AHNAK: variants seen among roughly 807,000 people sequenced by gnomAD.
AHNAK encodes AHNAK nucleoprotein, also known as neuroblast differentiation-associated protein AHNAK.
AHNAK carries 23 observed loss-of-function variants against 37.8 expected under a neutral mutation model. That is an observed-to-expected ratio of 0.61 (90% CI 0.44 to 0.86). The LOEUF is 0.86. AHNAK is among the 40% of genes least tolerant of loss of function. AHNAK has a pLI of 0.00. For synonymous variants in AHNAK, 2,481 were observed against 2,636.3 expected, an observed-to-expected ratio of 0.94 and a Z score of 1.80; for missense variants, 7,411 against 7,319.4, an observed-to-expected ratio of 1.01 and a Z score of -0.46.
At chr11:62,476,392 CAA>C (rs1000213539) in intron 5 of AHNAK, among the ~76,000 whole-genome samples, 2 of 151,916 alleles carry the variant, frequency 1.3e-5, no homozygotes, top group South Asian at 4.2e-4. Context: ...GACTCCGTCT[CAA>C]AAAAAAGTTT....
At chr11:62,491,759 C>T (rs547961974) in exon 5 of AHNAK, 5 of 1,612,568 alleles carry the variant, frequency 3.1e-6, no homozygotes, top group African/African-American at 1.3e-5. Context: ...ACTGAAACTG[C>T]CCCGGCTTGG....
chr11:62,533,743 C>T lies in AHNAK; in HGVS notation c.674G>A (p.Arg225Gln), dbSNP rs552804591. The T allele has an allele frequency of 2.1e-5, 34 of 1,614,138 alleles. No homozygotes were observed. The South Asian group carries it at 3.0e-4, about 14-fold the overall frequency. ...TCCTGAAGCAGAAATGGCCCCTGCT[C>T]GGATATCCACAGCAGAGCCTGTCGG... ...ASPTGSAVDI[R>Q]AGAISASGPE... Residue 225 changes from arginine to glutamine, a missense_variant, in exon 5 of 5, where the codon CGA (arginine) becomes CAA (glutamine). Arg to Gln is a conservative substitution (Grantham distance 43). Coordinates refer to ENST00000378024, the MANE Select transcript of AHNAK (RefSeq NM_001620.3).
chr11:62,501,116 G>A (rs755971973), intron 4 of AHNAK, among the ~76,000 whole-genome samples: 36 of 152,040 alleles, frequency 2.4e-4, no homozygotes, highest in Non-Finnish European at 3.8e-4. Flanking sequence ...GGAGGTTGAG[G>A]TGGGAGGATT....
chr11:62,502,158 C>G (rs1939724089), intron 4 of AHNAK, among the ~76,000 whole-genome samples: 1 of 152,076 alleles, frequency 6.6e-6, no homozygotes, highest in Non-Finnish European at 1.5e-5. Context: ...GCTTCAGGTC[C>G]TCGACTTCAG....
At chr11:62,500,091 G>A (rs896481497) in intron 4 of AHNAK, among the ~76,000 whole-genome samples, 1 of 152,166 alleles carries the variant, frequency 6.6e-6, no homozygotes, top group Non-Finnish European at 1.5e-5. Context: ...CTCAAGACAG[G>A]CCTGGCATGA....
Position 62,536,104 on chromosome 11 carries a change from A to T in AHNAK, c.1-6T>A. 1 of 1,568,026 alleles carries T rather than the reference A, an allele frequency of 6.4e-7. No homozygotes were observed. Among genetic ancestry groups the T allele is most frequent in the Non-Finnish European group, 8.7e-7 (1 of 1,154,914 alleles). Reference sequence around the variant, plus strand: ...GTTGTCTCCTCCTTCTCCATCTGGAATGAGGTGAGGAAATGGAACTGGGGT... The same window carrying T: ...GTTGTCTCCTCCTTCTCCATCTGGATTGAGGTGAGGAAATGGAACTGGGGT... On this transcript the variant is annotated splice_region_variant and splice_polypyrimidine_tract_variant and intron_variant, in intron 2 of 4. Transcript: ENST00000378024.
chr11:62,461,009 T>TC (rs1938771303), intron 5 of AHNAK, among the ~76,000 whole-genome samples: 1 of 147,394 alleles, frequency 6.8e-6, no homozygotes, highest in Non-Finnish European at 1.5e-5. Context: ...TTTTTTTTTT[T>TC]GTATTTTAGT....
At chr11:62,475,602 CTTT>C (rs55773953) in intron 5 of AHNAK, among the ~76,000 whole-genome samples, 3,340 of 117,970 alleles carry the variant, frequency 0.028, 163 homozygotes, top group African/African-American at 0.11. Flanking sequence ...TTATGTTATA[CTTT>C]TTTTTTTTTT....
Position 62,523,558 on chromosome 11 carries a change from G to A in AHNAK, c.10859C>T (p.Pro3620Leu). ...TTTAGGGAGGGTAACATCGACTTCA[G>A]GGCCTTCTCCTTTGAAGCCAGGCAT... ...FSMPGFKGEG[P>L]EVDVTLPKAD... Residue 3620 changes from proline to leucine, a missense_variant, in exon 5 of 5, where the codon CCT becomes CTT. Physicochemically the swap from Pro to Leu is moderately conservative, Grantham distance 98. Coordinates refer to ENST00000378024, the MANE Select transcript of AHNAK (RefSeq NM_001620.3). The A allele has an allele frequency of 1.9e-6, 3 of 1,614,054 alleles. No homozygotes were observed. The highest frequency in any genetic ancestry group is 2.5e-6 in the Non-Finnish European group (3 of 1,180,012).
chr11:62,513,766 A>G (rs1939958078), downstream of AHNAK, among the ~76,000 whole-genome samples: 1 of 152,104 alleles, frequency 6.6e-6, no homozygotes, highest in Non-Finnish European at 1.5e-5. Flanking sequence ...TGACATTGAG[A>G]AGAAGGTGGC....
chr11:62,475,075 G>A (rs1317065962), intron 5 of AHNAK, among the ~76,000 whole-genome samples: 1 of 152,162 alleles, frequency 6.6e-6, no homozygotes, highest in Non-Finnish European at 1.5e-5. Flanking sequence ...GGCAGAGGTG[G>A]GCGGATCACC....
rs1261567863 is a variant in AHNAK, at chr11:62,531,543, A to C, written c.2874T>G (p.Pro958=). ...MPDVDLHMKG[P]KVKGEYDMTV... ...TCATATCATATTCTCCCTTTACTTTAGGACCTTTCATATGCAAGTCCACAT... is the reference window on the plus strand; with the variant it reads ...TCATATCATATTCTCCCTTTACTTTCGGACCTTTCATATGCAAGTCCACAT... Residue 958 remains proline, a synonymous_variant, in exon 5 of 5, where the codon CCT becomes CCG. Transcript: ENST00000378024. 2 of 1,613,932 alleles carry C rather than the reference A, an allele frequency of 1.2e-6. No individual in the cohort carries two copies. The highest frequency in any genetic ancestry group is 1.7e-6 in the Non-Finnish European group (2 of 1,180,014).
chr11:62,521,809 C>T lies in AHNAK; in HGVS notation c.12608G>A (p.Gly4203Glu). The T allele has an allele frequency of 1.2e-6, 2 of 1,613,562 alleles. No homozygotes were observed. Among genetic ancestry groups the T allele is most frequent in the Admixed American group, 3.3e-5 (2 of 59,922 alleles). ...GTTCACATCCACATCTGGGCCCTCT[C>T]CTTTGAAGCCAGGCATGCTGAACTT... ...MPKFSMPGFK[G>E]EGPDVDVNLP... is the part of the protein sequence containing the mutation. Residue 4203 changes from glycine to glutamate, a missense_variant, in exon 5 of 5, where the codon GGA becomes GAA. Gly to Glu is a moderately conservative substitution (Grantham distance 98). Transcript: ENST00000378024.
At chr11:62,515,775 A>T, downstream of AHNAK, 3 of 603,756 alleles carry the variant, frequency 5.0e-6, no homozygotes, top group Non-Finnish European at 6.3e-6. Flanking sequence ...CCCGAAGGTC[A>T]CTGTCTTAAA....
chr11:62,534,163 CT>C, intron 4 of AHNAK, 89 bp from the exon 5 acceptor site: 1 of 1,387,046 alleles, frequency 7.2e-7, no homozygotes, highest in Middle Eastern at 2.5e-4. Context: ...AACACGTTGC[CT>C]GTTTCCCAGA....
intron 5 of AHNAK, among the ~76,000 whole-genome samples, chr11:62,449,211 A>G (rs544638155): frequency 6.6e-6 from 1 of 152,312 alleles, no homozygotes; most frequent in East Asian, 1.9e-4. Flanking sequence ...CAGGCTATCA[A>G]GTCTAAATCC....
chr11:62,447,213 C>T (rs1341687416), intron 5 of AHNAK, among the ~76,000 whole-genome samples: 1 of 152,178 alleles, frequency 6.6e-6, no homozygotes, highest in East Asian at 1.9e-4. Context: ...TCCCTCCTTA[C>T]TCAAAAGGCA....
chr11:62,517,435 A>G lies in AHNAK; in HGVS notation c.16982T>C (p.Met5661Thr), dbSNP rs751300626. 2 of 1,614,112 alleles carry G rather than the reference A, an allele frequency of 1.2e-6. No homozygotes were observed. Among genetic ancestry groups the G allele is most frequent in the Admixed American group, 1.7e-5 (1 of 60,008 alleles). Reference sequence around the variant, plus strand: ...AGAGAAGGTAAATTTGGGGATCTTCATTTTAGGGAATGTTACTTTTCCAGA... The same window carrying G: ...AGAGAAGGTAAATTTGGGGATCTTCGTTTTAGGGAATGTTACTTTTCCAGA... ...SGSGKVTFPK[M>T]KIPKFTFSGR... The change falls in exon 5 of 5, where the codon ATG becomes ACG. Residue 5661 changes from methionine (M) to threonine (T), a missense_variant. Transcript: ENST00000378024.
intron 5 of AHNAK, among the ~76,000 whole-genome samples, chr11:62,475,322 C>T (rs1455230781): frequency 1.3e-5 from 2 of 151,922 alleles, no homozygotes; most frequent in East Asian, 1.9e-4. Context: ...GGTGGGGGGA[C>T]CCCTGCAGCC....
Sources: allele counts gnomAD v4.1 joint callset (sites outside exome capture counted in the v4.1 genomes callset), GRCh38; gene constraint gnomAD v4.1.1; transcripts MANE v1.5; gene names NCBI Gene and HGNC (gene_info 2026-07-23, HGNC 2026-07-21).